PMS1: variants seen among roughly 807,000 people sequenced by gnomAD.
The protein encoded by PMS1 is PMS1 homolog 1, mismatch repair system component, also known as PMS1 protein homolog 1.
PMS1 carries 79 observed loss-of-function variants against 93.1 expected under a neutral mutation model. The ratio of observed to expected loss-of-function variants is 0.85; its 90% CI spans 0.71 to 1.02. The LOEUF is 1.02. Ranked by LOEUF, PMS1 falls within the 50% of genes least tolerant of loss-of-function variation. The pLI is 0.00. For missense variants in PMS1, 1,064 were observed against 1,085.3 expected, an observed-to-expected ratio of 0.98 and a Z score of 0.28; for synonymous variants, 335 against 363.4, an observed-to-expected ratio of 0.92 and a Z score of 0.89.
chr2:189,869,098 T>C (rs2056916229), intron 11 of PMS1, among the ~76,000 whole-genome samples: 1 of 152,220 alleles, frequency 6.6e-6, no homozygotes, highest in Non-Finnish European at 1.5e-5. Flanking sequence ...GAAGTTAAGT[T>C]TGCTCAAGGG....
chr2:189,806,399 T>C, intron 4 of PMS1: 1 of 320,938 alleles, frequency 3.1e-6, no homozygotes, highest in Non-Finnish European at 6.0e-6. Flanking sequence ...TTTTATTTTA[T>C]TTTATTTTAT....
intron 3 of PMS1, among the ~76,000 whole-genome samples, chr2:189,802,389 A>G (rs1575068207): frequency 1.3e-5 from 2 of 152,228 alleles, no homozygotes; most frequent in Admixed American, 1.3e-4. Flanking sequence ...GAGAAAATAA[A>G]TATGTTTGCT....
Position 189,877,306 on chromosome 2 carries a change from T to C in PMS1, c.2669T>C (p.Met890Thr), listed in dbSNP as rs923706098. 2.5e-6 allele frequency: 4 copies of C among 1,613,520 alleles called. No individual in the cohort carries two copies. The highest frequency in any genetic ancestry group is 1.7e-6 in the Non-Finnish European group (2 of 1,179,558). ...GTGCGTCTATCCAGACAATTACCCATGTACTTATCAAAAGAGGACATCCAA... is the reference window on the plus strand; with the variant it reads ...GTGCGTCTATCCAGACAATTACCCACGTACTTATCAAAAGAGGACATCCAA... ...EAVRLSRQLP[M>T]YLSKEDIQDI... Residue 890 changes from methionine to threonine, a missense_variant, in exon 13 of 13, where the codon ATG (methionine) becomes ACG (threonine). By Grantham distance (81) the Met-to-Thr change is moderately conservative. Coordinates refer to ENST00000441310, the MANE Select transcript of PMS1 (RefSeq NM_000534.5).
intron 10 of PMS1, among the ~76,000 whole-genome samples, chr2:189,865,720 T>C (rs982109987): frequency 6.6e-6 from 1 of 152,210 alleles, no homozygotes; most frequent in African/African-American, 2.4e-5. Flanking sequence ...AAATAAATAA[T>C]GACTAACCTA....
At chr2:189,848,005 G>A (rs549561841) in intron 6 of PMS1, among the ~76,000 whole-genome samples, 175 of 152,320 alleles carry the variant, frequency 1.1e-3, no homozygotes, top group African/African-American at 4.0e-3. Flanking sequence ...GCCAGCTACA[G>A]TGTTAGCCAT....
chr2:189,875,179 A>T (rs2057456722), intron 12 of PMS1, among the ~76,000 whole-genome samples: 1 of 150,740 alleles, frequency 6.6e-6, no homozygotes, highest in Non-Finnish European at 1.5e-5. Context: ...AAGTAGTATC[A>T]TGTTCTGTAT....
Position 189,795,798 on chromosome 2 carries a change from G to T in PMS1, c.162G>T (p.Val54=). ...ACTATGGATTTGATAAAATTGAGGT[G>T]CGAGATAACGGGGAGGGTATCAAGG... The part of the protein sequence containing the change: ...LENYGFDKIE[V]RDNGEGIKAV... The change falls in exon 3 of 13, where the codon GTG becomes GTT. Residue 54 remains valine, a synonymous_variant. Transcript: ENST00000441310. 6.2e-7 allele frequency: 1 copy of T among 1,613,842 alleles called. No homozygotes were observed. Among genetic ancestry groups the T allele is most frequent in the Non-Finnish European group, 8.5e-7 (1 of 1,179,762 alleles).
At chr2:189,784,640 G>C (rs530736830) in intron 1 of PMS1, 47 bp downstream of exon 1, 12 of 152,640 alleles carry the variant, frequency 7.9e-5, no homozygotes, top group African/African-American at 2.2e-4. Context: ...TCGATGGCTC[G>C]AGGGCCCCGT....
intron 11 of PMS1, among the ~76,000 whole-genome samples, chr2:189,868,198 A>G (rs1231817329): frequency 6.6e-6 from 1 of 152,252 alleles, no homozygotes; most frequent in Non-Finnish European, 1.5e-5. Context: ...TTGACACAAT[A>G]TTCAAACTGC....
chr2:189,862,628 G>A (rs1347067189), intron 9 of PMS1, among the ~76,000 whole-genome samples: 1 of 152,122 alleles, frequency 6.6e-6, no homozygotes, highest in Non-Finnish European at 1.5e-5. Context: ...GTTCTACCAG[G>A]TATTTAAATT....
intron 1 of PMS1, among the ~76,000 whole-genome samples, chr2:189,789,443 T>TA: frequency 6.6e-6 from 1 of 152,294 alleles, no homozygotes; most frequent in South Asian, 2.1e-4. Context: ...TCTGGTCTGT[T>TA]ACATTTTTTT....
At chr2:189,872,162 A>T (rs2057207204) in intron 11 of PMS1, among the ~76,000 whole-genome samples, 1 of 152,150 alleles carries the variant, frequency 6.6e-6, no homozygotes, top group Non-Finnish European at 1.5e-5. Flanking sequence ...ATCTCACTTC[A>T]TTGAACTCTG....
intron 2 of PMS1, among the ~76,000 whole-genome samples, chr2:189,793,190 G>T (rs1231774047): frequency 6.6e-6 from 1 of 152,202 alleles, no homozygotes; most frequent in African/African-American, 2.4e-5. Context: ...GCTAAGACTA[G>T]AATCCAGGTC....
intron 6 of PMS1, among the ~76,000 whole-genome samples, chr2:189,845,691 G>C (rs1207816281): frequency 6.6e-6 from 1 of 151,860 alleles, no homozygotes; most frequent in Admixed American, 6.6e-5. Context: ...ATTATTACTG[G>C]TATGTCATGC....
chr2:189,863,689 G>C (rs2056279522), intron 9 of PMS1, 54 bp from the exon 10 acceptor site: 1 of 1,343,490 alleles, frequency 7.4e-7, no homozygotes, highest in Admixed American at 1.8e-5. Flanking sequence ...ACTTCAGATG[G>C]TTAATATATT....
At position 189,795,809 on chromosome 2, in the gene PMS1, G is replaced by A. The variant is rs773700771; in HGVS notation, c.173G>A (p.Gly58Glu). The change falls in exon 3 of 13, where the codon GGG (glycine) becomes GAG (glutamate). Residue 58 changes from glycine to glutamate, a missense_variant. Gly to Glu is a moderately conservative substitution (Grantham distance 98, BLOSUM62 -2). Coordinates refer to ENST00000441310, the MANE Select transcript of PMS1 (RefSeq NM_000534.5). ...GATAAAATTGAGGTGCGAGATAACGGGGAGGGTATCAAGGCTGTTGATGCA... is the reference window on the plus strand; with the variant it reads ...GATAAAATTGAGGTGCGAGATAACGAGGAGGGTATCAAGGCTGTTGATGCA... Reference protein sequence around the residue: ...GFDKIEVRDNGEGIKAVDAPV... With the variant: ...GFDKIEVRDNEEGIKAVDAPV... The A allele has an allele frequency of 1.9e-6, 3 of 1,613,808 alleles. No homozygotes were observed. Among genetic ancestry groups the A allele is most frequent in the Non-Finnish European group, 2.5e-6 (3 of 1,179,760 alleles).
At chr2:189,852,507 A>T in intron 6 of PMS1, 148 bp from the exon 7 acceptor site, 1 of 700,888 alleles carries the variant, frequency 1.4e-6, no homozygotes, top group Non-Finnish European at 2.5e-6. Context: ...GTTAATACTT[A>T]AGACATGATT....
intron 5 of PMS1, among the ~76,000 whole-genome samples, chr2:189,826,386 C>T (rs2052426124): frequency 6.7e-6 from 1 of 149,752 alleles, no homozygotes. Context: ...AGAAGGCGGA[C>T]ATCTTTTCAG....
intron 4 of PMS1, among the ~76,000 whole-genome samples, chr2:189,814,413 T>C (rs1575114454): frequency 6.6e-6 from 1 of 152,212 alleles, no homozygotes; most frequent in East Asian, 1.9e-4. Flanking sequence ...AATATTGCAC[T>C]TCCTTTAGTC....
Sources: gnomAD v4.1 joint callset for allele counts (sites outside exome capture counted in the v4.1 genomes callset) on GRCh38, gnomAD v4.1.1 for gene constraint, MANE v1.5 for transcripts, NCBI Gene and HGNC (gene_info 2026-07-23, HGNC 2026-07-21) for gene names.